ZNF737: variants seen among roughly 807,000 people sequenced by gnomAD.
The protein encoded by ZNF737 is zinc finger protein 737.
In ZNF737, 13 loss-of-function variants were observed where a neutral mutation model predicts 11.7. The ratio of observed to expected loss-of-function variants is 1.11; its 90% CI spans 0.73 to 1.77. ZNF737 has a LOEUF of 1.77. Ranked by LOEUF, ZNF737 falls within the 40% of genes most tolerant of loss-of-function variation. ZNF737 has a pLI of 0.00. For missense variants in ZNF737, 636 were observed against 638.0 expected (o/e 1.00, Z 0.03); for synonymous variants, 217 against 216.2 (o/e 1.00, Z -0.03).
At position 20,544,518 on chromosome 19, in the gene ZNF737, T is replaced by G. The variant is rs560944492; in HGVS notation, c.*74A>C. On this transcript the variant is annotated 3_prime_UTR_variant, in exon 4 of 4. Coordinates refer to ENST00000427401, the MANE Select transcript of ZNF737 (RefSeq NM_001159293.2). ...CCACATTTATCACACTTGTACAGTT[T>G]CCCTCCAATATGAATTTTCTTATGT... 1.3e-6 allele frequency: 2 copies of G among 1,543,724 alleles called. No homozygotes were observed. Among genetic ancestry groups the G allele is most frequent in the Non-Finnish European group, 1.7e-6 (2 of 1,151,400 alleles).
rs1599395875 is a variant in ZNF737, at chr19:20,539,890, G to A, written c.*4702C>T. On this transcript the variant is annotated 3_prime_UTR_variant, in exon 4 of 4. Coordinates refer to ENST00000427401, the MANE Select transcript of ZNF737 (RefSeq NM_001159293.2). The stretch of plus-strand genomic sequence containing the variant: ...GTTGGTAGACTATTGGTATCCCAGA[G>A]GCTGATCATTCACTACAGCTTACTA... 1.0e-6 allele frequency: 1 copy of A among 985,050 alleles called. No homozygotes were observed. Among genetic ancestry groups the A allele is most frequent in the East Asian group, 1.1e-4 (1 of 8,780 alleles). 61.0% of individuals were successfully genotyped at this position (985,050 alleles called of 1,614,324 possible).
Position 20,545,126 on chromosome 19 carries a change from G to C in ZNF737, c.1077C>G (p.His359Gln). 4 of 1,602,416 alleles carry C rather than the reference G, an allele frequency of 2.5e-6. No homozygotes were observed. The highest frequency in any genetic ancestry group is 3.4e-6 in the Non-Finnish European group (4 of 1,174,358). ...GTTTCTCTCCACTATGAATTATCTT[G>C]TGTGTAGTAAGGGATGAGAAGTACT... is the stretch of plus-strand genomic sequence containing the variant. ...AFKYFSSLTT[H>Q]KIIHSGEKPY... Residue 359 changes from histidine to glutamine, a missense_variant, in exon 4 of 4, where the codon CAC becomes CAG. Transcript: ENST00000427401.
At position 20,541,718 on chromosome 19, in the gene ZNF737, G is replaced by A. The variant is rs1031418358; in HGVS notation, c.*2874C>T. Among the ~76,000 whole-genome samples the A allele has an allele frequency of 2.0e-5, 3 of 152,288 alleles. No individual in the cohort carries two copies. In the South Asian group the frequency reaches 6.2e-4, roughly 32 times the overall value. ...TGGAATTACAGATGTGAGCCACTGT[G>A]CCTGGCCGTATTTTATTTACATTTT... is the stretch of plus-strand genomic sequence containing the variant. On this transcript the variant is annotated 3_prime_UTR_variant, in exon 4 of 4. Coordinates refer to ENST00000427401, the MANE Select transcript of ZNF737 (RefSeq NM_001159293.2).
rs781947450 is a variant in ZNF737, at chr19:20,553,834, C to T, written c.5G>A (p.Gly2Glu). 1 of 1,612,342 alleles carries T rather than the reference C, an allele frequency of 6.2e-7. No individual in the cohort carries two copies. Among genetic ancestry groups the T allele is most frequent in the South Asian group, 1.1e-5 (1 of 90,680 alleles). ...GGCCACGTCTCTAAATTGCAATGGC[C>T]CCTGAAACACACACACAACATACGT... Reference protein sequence around the residue: MGPLQFRDVAIE... With the variant: MEPLQFRDVAIE... Residue 2 changes from glycine (G) to glutamate (E), a missense_variant and splice_region_variant, in exon 2 of 4, where the codon GGG becomes GAG. By Grantham distance (98) the Gly-to-Glu change is moderately conservative. Transcript: ENST00000427401.
intron 3 of ZNF737, among the ~76,000 whole-genome samples, chr19:20,548,203 T>C (rs540024419): frequency 5.9e-5 from 9 of 152,000 alleles, no homozygotes; most frequent in East Asian, 3.9e-4. Flanking sequence ...GAAGATATAA[T>C]TGAAAATCCA....
At chr19:20,534,037 C>T (rs1387856433), downstream of ZNF737, among the ~76,000 whole-genome samples, 14 of 150,128 alleles carry the variant, frequency 9.3e-5, 1 homozygote, top group Non-Finnish European at 1.9e-4. Flanking sequence ...GGCTAATCAG[C>T]CGGGCTGAGC....
chr19:20,539,920 CTG>C lies in ZNF737; in HGVS notation c.*4670_*4671del, dbSNP rs1968132057. 1 of 909,560 alleles carries C rather than the reference CTG, an allele frequency of 1.1e-6. No homozygotes were observed. The highest frequency in any genetic ancestry group is 2.0e-5 in the African/African-American group (1 of 50,158). 56.3% of individuals were successfully genotyped at this position (909,560 alleles called of 1,614,324 possible). ...ATCATTCACTACAGCTTACTAAATA[CTG>C]TTCCATAATGCCAGTGAGCACTTTT... On this transcript the variant is annotated 3_prime_UTR_variant, in exon 4 of 4. Coordinates refer to ENST00000427401, the MANE Select transcript of ZNF737 (RefSeq NM_001159293.2).
intron 1 of ZNF737, among the ~76,000 whole-genome samples, chr19:20,557,413 G>T (rs1342573247): frequency 2.6e-5 from 4 of 150,998 alleles, no homozygotes; most frequent in Non-Finnish European, 4.4e-5. Context: ...CTGGCTCAGG[G>T]TGAGGACCCT....
Position 20,545,987 on chromosome 19 carries a change from C to T in ZNF737, c.227-11G>A, listed in dbSNP as rs1217299280. The T allele has an allele frequency of 1.3e-6, 2 of 1,532,248 alleles. No individual in the cohort carries two copies. Among genetic ancestry groups the T allele is most frequent in the African/African-American group, 2.8e-5 (2 of 71,900 alleles). The allele number at this position is 1,532,248 out of a possible 1,614,324, so 94.9% of individuals were successfully genotyped here. On this transcript the variant is annotated splice_polypyrimidine_tract_variant and intron_variant, in intron 3 of 3. Transcript: ENST00000427401. ...AATGAGAACACGTAACTGAAAGAAA[C>T]AATAAAAGCACATTACTTCAATTGG...
intron 1 of ZNF737, among the ~76,000 whole-genome samples, chr19:20,557,663 C>G (rs1968941011): frequency 1.3e-5 from 2 of 149,802 alleles, no homozygotes. Flanking sequence ...GTCACACAGG[C>G]TGGTGTGCAG....
chr19:20,552,385 C>T (rs1459840420), intron 3 of ZNF737, 90 bp downstream of exon 3: 6 of 883,272 alleles, frequency 6.8e-6, no homozygotes, highest in South Asian at 2.4e-5. Context: ...AGCACAGCTT[C>T]CCAAATCACA....
intron 1 of ZNF737, among the ~76,000 whole-genome samples, chr19:20,564,524 G>C (rs1242606698): frequency 3.3e-5 from 5 of 151,792 alleles, no homozygotes; most frequent in Non-Finnish European, 5.9e-5. Flanking sequence ...GTGGTGTCGC[G>C]TGCCCATAGC....
At chr19:20,564,935 G>A (rs370846228) in intron 1 of ZNF737, among the ~76,000 whole-genome samples, 32 of 119,064 alleles carry the variant, frequency 2.7e-4, no homozygotes, top group African/African-American at 8.6e-4. Context: ...TACATAACCA[G>A]GAATTTTTTT....
chr19:20,565,729 A>G lies in ZNF737; in HGVS notation c.-89T>C. 3 of 1,583,762 alleles carry G rather than the reference A, an allele frequency of 1.9e-6. No individual in the cohort carries two copies. Among genetic ancestry groups the G allele is most frequent in the Middle Eastern group, 1.7e-4 (1 of 5,990 alleles). On this transcript the variant is annotated 5_prime_UTR_variant, in exon 1 of 4. Transcript: ENST00000427401. ...GGGCCACAGAGGCTGGGCCTCTAGG[A>G]GCAGAGGACACACAGCAGTGAAGAC...
intron 1 of ZNF737, among the ~76,000 whole-genome samples, 174 bp from the exon 2 acceptor site, chr19:20,554,009 A>G (rs1335417894): frequency 6.6e-6 from 1 of 152,238 alleles, no homozygotes; most frequent in African/African-American, 2.4e-5. Flanking sequence ...ATTCTCTGAG[A>G]AAAAAGAACA....
chr19:20,536,867 T>A (rs1162432659), downstream of ZNF737, among the ~76,000 whole-genome samples: 2 of 151,902 alleles, frequency 1.3e-5, no homozygotes, highest in African/African-American at 4.8e-5. Context: ...CTCTTGAACC[T>A]GTGAGGCCAA....
chr19:20,546,123 A>T, intron 3 of ZNF737, 147 bp from the exon 4 acceptor site: 2 of 1,143,358 alleles, frequency 1.7e-6, no homozygotes. Context: ...TGGATACATA[A>T]ATGTAACAAA....
chr19:20,537,540 CAG>C (rs797030042), downstream of ZNF737, among the ~76,000 whole-genome samples: 784 of 73,890 alleles, frequency 0.011, 16 homozygotes, highest in African/African-American at 0.044. Flanking sequence ...TTTTTTGAGA[CAG>C]AGTCTCATCT....
In ZNF737 at chr19:20,543,681, G is replaced by A. The variant is rs1279473582; in HGVS notation, c.*911C>T. On this transcript the variant is annotated 3_prime_UTR_variant, in exon 4 of 4. Coordinates refer to ENST00000427401, the MANE Select transcript of ZNF737 (RefSeq NM_001159293.2). ...CAATCAAGAGTGGCAACCATATAAA[G>A]GCTTTGTCACATTTTATATATTTCT... The A allele has an allele frequency of 5.1e-6, 5 of 985,206 alleles. No individual in the cohort carries two copies. The highest frequency in any genetic ancestry group is 6.0e-6 in the Non-Finnish European group (5 of 829,886). The allele number at this position is 985,206 out of a possible 1,614,324, so 61.0% of individuals were successfully genotyped here.
Sources: allele counts gnomAD v4.1 joint callset (sites outside exome capture counted in the v4.1 genomes callset), GRCh38; gene constraint gnomAD v4.1.1; transcripts MANE v1.5; gene names NCBI Gene and HGNC (gene_info 2026-07-23, HGNC 2026-07-21).